Variants in ITK observed in about 807,000 individuals in gnomAD.
ITK encodes the protein tyrosine-protein kinase ITK/TSK.
In ITK, 45 loss-of-function variants were observed where a neutral mutation model predicts 87.6. The ratio of observed to expected loss-of-function variants is 0.51; its 90% confidence interval spans 0.40 to 0.66. ITK has a LOEUF of 0.66. ITK is among the 30% of genes least tolerant of loss of function. The pLI is 0.00. For synonymous variants in ITK, 303 were observed against 273.6 expected, an observed-to-expected ratio of 1.11 and a Z score of -1.06; for missense variants, 605 against 766.3, an observed-to-expected ratio of 0.79 and a Z score of 2.48.
At chr5:157,242,078 C>T (rs568678461) in intron 11 of ITK, among the ~76,000 whole-genome samples, 4 of 152,298 alleles carry the variant, frequency 2.6e-5, no homozygotes, top group Admixed American at 6.5e-5. Flanking sequence ...ACTTTTATAT[C>T]ATCTAGTTGG....
At chr5:157,250,565 G>A (rs867946881) in intron 16 of ITK, among the ~76,000 whole-genome samples, 12 of 151,546 alleles carry the variant, frequency 7.9e-5, no homozygotes, top group Middle Eastern at 3.4e-3. Context: ...TACCCAGGCT[G>A]GAGTGCAGTG....
chr5:157,190,779 T>C (rs1034042708), intron 1 of ITK, among the ~76,000 whole-genome samples: 13 of 152,004 alleles, frequency 8.6e-5, no homozygotes, highest in Non-Finnish European at 1.8e-4. Context: ...ACAAAGACCC[T>C]GAGGAAGGAA....
At chr5:157,208,753 T>C in intron 1 of ITK, 136 bp from the exon 2 acceptor site, 1 of 695,956 alleles carries the variant, frequency 1.4e-6, no homozygotes, top group African/African-American at 1.8e-5. Flanking sequence ...GGAGGCAGTT[T>C]TGGATATTTG....
At chr5:157,244,753 C>A (rs942333626) in intron 13 of ITK, 7 of 427,820 alleles carry the variant, frequency 1.6e-5, no homozygotes, top group Non-Finnish European at 3.1e-5. Flanking sequence ...CTTAACCTCT[C>A]TGTGACTCAA....
chr5:157,208,890 A>G lies in ITK; in HGVS notation c.140A>G (p.Lys47Arg), dbSNP rs1754130830. 1 of 1,610,728 alleles carries G rather than the reference A, an allele frequency of 6.2e-7. No individual in the cohort carries two copies. The highest frequency in any genetic ancestry group is 8.5e-7 in the Non-Finnish European group (1 of 1,176,926). The change falls in exon 2 of 17, where the codon AAG (lysine) becomes AGG (arginine). Residue 47 changes from lysine (K) to arginine (R), a missense_variant and splice_region_variant. Transcript: ENST00000422843. ...TGGGATGTTCTTCTCTCCCCACAGA[A>G]GAAGCGCACGCTGAAGGGGTCCATT... is the stretch of plus-strand genomic sequence containing the variant. ...SLAYFEDRHG[K>R]KRTLKGSIEL...
chr5:157,197,629 A>G (rs1178510623), intron 1 of ITK, among the ~76,000 whole-genome samples: 1 of 151,512 alleles, frequency 6.6e-6, no homozygotes, highest in Non-Finnish European at 1.5e-5. Flanking sequence ...CAAAAATGGG[A>G]TGATGCTCCA....
chr5:157,245,461 G>C (rs1258968363), intron 13 of ITK: 4 of 550,648 alleles, frequency 7.3e-6, no homozygotes, highest in African/African-American at 3.8e-5. Context: ...GCCTATCTTT[G>C]GTTAGACAAC....
At chr5:157,240,273 C>T in intron 10 of ITK, 78 bp downstream of exon 10, 3 of 1,320,878 alleles carry the variant, frequency 2.3e-6, no homozygotes, top group South Asian at 2.4e-5. Flanking sequence ...ACTGCCTGAG[C>T]TCTGCCTTCT....
At chr5:157,221,095 A>G (rs1754404288) in intron 5 of ITK, among the ~76,000 whole-genome samples, 1 of 152,210 alleles carries the variant, frequency 6.6e-6, no homozygotes, top group African/African-American at 2.4e-5. Flanking sequence ...AAAAGGAAAG[A>G]AAAATAATAT....
intron 5 of ITK, among the ~76,000 whole-genome samples, chr5:157,220,869 G>A (rs752667880): frequency 1.3e-5 from 2 of 151,442 alleles, no homozygotes; most frequent in Non-Finnish European, 2.9e-5. Flanking sequence ...AAAATTTTTT[G>A]TTGCTTTGAG....
At chr5:157,228,091 G>A (rs970027776) in intron 6 of ITK, among the ~76,000 whole-genome samples, 3 of 151,634 alleles carry the variant, frequency 2.0e-5, no homozygotes, top group Admixed American at 6.6e-5. Context: ...CACCTGCCTC[G>A]GCCTCCAAAA....
chr5:157,184,046 C>G (rs1397451390), intron 1 of ITK, among the ~76,000 whole-genome samples: 1 of 152,140 alleles, frequency 6.6e-6, no homozygotes, highest in Admixed American at 6.6e-5. Context: ...CCAAGAAGCG[C>G]CTTCATCTTG....
At chr5:157,241,997 C>T (rs1326897284) in intron 11 of ITK, among the ~76,000 whole-genome samples, 1 of 152,136 alleles carries the variant, frequency 6.6e-6, no homozygotes, top group East Asian at 1.9e-4. Flanking sequence ...GTACAGAGCA[C>T]CCTACTAAAT....
intron 7 of ITK, 75 bp from the exon 8 acceptor site, chr5:157,232,265 C>T: frequency 9.8e-7 from 1 of 1,021,184 alleles, no homozygotes. Flanking sequence ...ATATGATTTT[C>T]TAGCATTGTC....
At chr5:157,182,371 C>T (rs1203702999) in intron 1 of ITK, among the ~76,000 whole-genome samples, 2 of 152,038 alleles carry the variant, frequency 1.3e-5, no homozygotes, top group Non-Finnish European at 2.9e-5. Context: ...GGTATAGAGC[C>T]TATGGATGCC....
chr5:157,244,463 C>A lies in ITK; in HGVS notation c.1434C>A (p.Val478=). ...EGMAYLEEAC[V]IHRDLAARNC... Reference sequence around the variant, plus strand: ...TGGCCTACCTGGAAGAGGCATGTGTCATCCACAGAGACTTGGTATGAGCAT... The same window carrying A: ...TGGCCTACCTGGAAGAGGCATGTGTAATCCACAGAGACTTGGTATGAGCAT... Residue 478 remains valine (V), a synonymous_variant, in exon 13 of 17, where the codon GTC becomes GTA. Coordinates refer to ENST00000422843, the MANE Select transcript of ITK (RefSeq NM_005546.4). 1 of 1,605,712 alleles carries A rather than the reference C, an allele frequency of 6.2e-7. No individual in the cohort carries two copies. The highest frequency in any genetic ancestry group is 1.1e-5 in the South Asian group (1 of 90,816).
intron 2 of ITK, 43 bp from the exon 3 acceptor site, chr5:157,211,244 C>T (rs1468120617): frequency 6.5e-7 from 1 of 1,527,018 alleles, no homozygotes; most frequent in Admixed American, 1.7e-5. Context: ...TCAACTATCT[C>T]CATGCACGCT....
intron 15 of ITK, among the ~76,000 whole-genome samples, chr5:157,247,153 T>C (rs937141561): frequency 1.3e-5 from 2 of 152,208 alleles, no homozygotes; most frequent in African/African-American, 2.4e-5. Flanking sequence ...TTTGGCTAGG[T>C]AAATCTTTTA....
chr5:157,214,131 T>A (rs1411136379), intron 3 of ITK, 60 bp from the exon 4 acceptor site: 2 of 1,420,870 alleles, frequency 1.4e-6, no homozygotes, highest in Non-Finnish European at 2.0e-6. Flanking sequence ...GTTATAAAAT[T>A]GGTAGCCCTT....
Sources: gnomAD v4.1 joint callset for allele counts (sites outside exome capture counted in the v4.1 genomes callset) on GRCh38, gnomAD v4.1.1 for gene constraint, MANE v1.5 for transcripts, NCBI Gene and HGNC (gene_info 2026-07-23, HGNC 2026-07-21) for gene names.